The following FCHSD2 variants were observed in gnomAD, a reference collection of about 807,000 sequenced individuals.
FCHSD2 encodes the protein F-BAR and double SH3 domains protein 2.
A neutral mutation model predicts 108.1 loss-of-function variants in FCHSD2; 38 were observed. That is an observed-to-expected ratio of 0.35 (90% confidence interval 0.27 to 0.46). The LOEUF is 0.46. Among genes scored for constraint, FCHSD2 ranks in the 20% least tolerant of loss-of-function variants. FCHSD2 has a pLI of 1.00. For missense variants in FCHSD2, 751 were observed against 897.8 expected (o/e 0.84, Z 2.09); for synonymous variants, 279 against 314.7 (o/e 0.89, Z 1.20).
chr11:72,977,003 G>A (rs1237508671), intron 8 of FCHSD2, among the ~76,000 whole-genome samples: 2 of 150,936 alleles, frequency 1.3e-5, no homozygotes, highest in Non-Finnish European at 2.9e-5. Context: ...TCGGCACACT[G>A]TGACCTCCAC....
chr11:72,888,131 G>A (rs188410484), intron 11 of FCHSD2, among the ~76,000 whole-genome samples: 14 of 152,166 alleles, frequency 9.2e-5, no homozygotes, highest in Non-Finnish European at 1.5e-5. Flanking sequence ...AGATAGCCAA[G>A]TATAGGAATC....
intron 3 of FCHSD2, among the ~76,000 whole-genome samples, chr11:73,032,650 C>T (rs1287951623): frequency 6.7e-6 from 1 of 149,562 alleles, no homozygotes; most frequent in African/African-American, 2.5e-5. Flanking sequence ...GGTATTACAA[C>T]AGGAAAGTAT....
intron 3 of FCHSD2, among the ~76,000 whole-genome samples, chr11:73,072,058 A>C (rs566199903): frequency 1.3e-5 from 2 of 152,096 alleles, no homozygotes; most frequent in South Asian, 4.2e-4. Flanking sequence ...GGTAAACAAC[A>C]AATGAGTGAA....
chr11:72,846,051 A>AATAGATAG (rs919967621), intron 14 of FCHSD2, among the ~76,000 whole-genome samples: 12 of 111,826 alleles, frequency 1.1e-4, no homozygotes, highest in African/African-American at 4.5e-4. Flanking sequence ...ATTACAAATA[A>AATAGATAG]ATAGATAGAT....
At chr11:72,980,756 A>G (rs1003932566) in intron 8 of FCHSD2, among the ~76,000 whole-genome samples, 7 of 150,892 alleles carry the variant, frequency 4.6e-5, no homozygotes, top group African/African-American at 1.7e-4. Context: ...GTGTATATAT[A>G]TGTGTATGTA....
In FCHSD2 at chr11:73,092,774, A is replaced by G. The variant is rs1859987260; in HGVS notation, c.120-9034T>C. Among the ~76,000 whole-genome samples the G allele has an allele frequency of 2.0e-5, 3 of 152,176 alleles. No homozygotes were observed. In the South Asian group the frequency reaches 6.2e-4, roughly 32 times the overall value. On this transcript the variant is annotated intron_variant, in intron 2 of 19. Transcript: ENST00000409418. The stretch of plus-strand genomic sequence containing the variant: ...TCACATTATATCAGTTAAAACAAGC[A>G]TTTTGTGTATATCAAATCAAGGAGG...
intron 3 of FCHSD2, among the ~76,000 whole-genome samples, chr11:73,022,211 A>C (rs76151517): frequency 0.022 from 3,332 of 152,306 alleles, 81 homozygotes; most frequent in African/African-American, 0.059. Context: ...AGATAAGGCA[A>C]AGATTTTCTC....
intron 10 of FCHSD2, among the ~76,000 whole-genome samples, chr11:72,894,235 G>T (rs968153116): frequency 6.6e-6 from 1 of 152,170 alleles, no homozygotes; most frequent in Non-Finnish European, 1.5e-5. Context: ...ACATTTTTCA[G>T]TTTACTGAGA....
intron 10 of FCHSD2, among the ~76,000 whole-genome samples, chr11:72,894,848 T>G (rs1855386682): frequency 6.6e-6 from 1 of 152,212 alleles, no homozygotes; most frequent in Non-Finnish European, 1.5e-5. Context: ...AATATTCATA[T>G]GTTTCACTGC....
intron 10 of FCHSD2, among the ~76,000 whole-genome samples, chr11:72,901,636 C>A (rs1349741971): frequency 6.6e-6 from 1 of 151,912 alleles, no homozygotes; most frequent in African/African-American, 2.4e-5. Flanking sequence ...CAATCTCACA[C>A]TTTAACTATG....
chr11:72,927,668 G>C (rs1856103040), intron 8 of FCHSD2, among the ~76,000 whole-genome samples: 3 of 152,146 alleles, frequency 2.0e-5, no homozygotes. Flanking sequence ...ACTTGCCACT[G>C]GCCTGGGACC....
intron 8 of FCHSD2, among the ~76,000 whole-genome samples, chr11:72,975,058 C>A (rs949826549): frequency 6.6e-6 from 1 of 152,070 alleles, no homozygotes; most frequent in Non-Finnish European, 1.5e-5. Flanking sequence ...GCCAGAAAAA[C>A]CGAAAAAGAA....
intron 8 of FCHSD2, among the ~76,000 whole-genome samples, chr11:72,974,293 G>C (rs1332274049): frequency 6.6e-6 from 1 of 152,140 alleles, no homozygotes; most frequent in African/African-American, 2.4e-5. Flanking sequence ...AAAGTGGAAA[G>C]GGGCCAAACT....
intron 8 of FCHSD2, among the ~76,000 whole-genome samples, chr11:72,933,829 CT>C (rs1368611859): frequency 6.6e-6 from 1 of 152,054 alleles, no homozygotes; most frequent in Non-Finnish European, 1.5e-5. Context: ...CTATTTAGTG[CT>C]GGGTACAGTG....
rs180798153 is a variant in FCHSD2 at position 73,031,411 on chromosome 11, G to A, written c.166-15526C>T. On this transcript the variant is annotated intron_variant, in intron 3 of 19. Coordinates refer to ENST00000409418, the MANE Select transcript of FCHSD2 (RefSeq NM_014824.3). ...GGATCACTTGAGGGCGGGAGGTGGA[G>A]GCTGCATTGAGTTGTGACTACTGCA... Among the ~76,000 whole-genome samples, 677 of 152,020 alleles carry A rather than the reference G, an allele frequency of 4.5e-3. 3 individuals carry two copies. The highest frequency in any genetic ancestry group is 7.9e-3 in the Non-Finnish European group (539 of 67,966).
chr11:72,887,527 G>A lies in FCHSD2; in HGVS notation c.1089C>T (p.Ser363=). The change falls in exon 12 of 20, where the codon AGC becomes AGT. Residue 363 remains serine, a synonymous_variant. Coordinates refer to ENST00000409418, the MANE Select transcript of FCHSD2 (RefSeq NM_014824.3). Reference sequence around the variant, plus strand: ...CTATTTTCTGTTCTAGCTCTGCTCGGCTTTGTTCTGATACAGCAGCTCCAT... The same window carrying A: ...CTATTTTCTGTTCTAGCTCTGCTCGACTTTGTTCTGATACAGCAGCTCCAT... ...ECHGAAVSEQ[S]RAELEQKIDE... The A allele has an allele frequency of 1.2e-6, 2 of 1,602,356 alleles. No individual in the cohort carries two copies. The highest frequency in any genetic ancestry group is 2.3e-5 in the East Asian group (1 of 43,948).
At position 72,964,270 on chromosome 11, in the gene FCHSD2, T is replaced by C. The variant is rs567230833; in HGVS notation, c.705+19818A>G. Among the ~76,000 whole-genome samples the C allele has an allele frequency of 2.6e-4, 40 of 152,358 alleles. 1 individual carries two copies. The highest frequency in any genetic ancestry group is 2.3e-3 in the Admixed American group (35 of 15,310). ...ATGAACAACTGGTTGATGGTTCCAA[T>C]CTTATGTTCTCATCACATCGAATCA... On this transcript the variant is annotated intron_variant, in intron 8 of 19. Transcript: ENST00000409418.
intron 2 of FCHSD2, among the ~76,000 whole-genome samples, chr11:73,126,443 T>G (rs558425425): frequency 1.3e-5 from 2 of 148,172 alleles, no homozygotes; most frequent in African/African-American, 2.5e-5. Flanking sequence ...TACAACCAAC[T>G]GGAAACCAAT....
At chr11:72,932,474 C>G (rs998809054) in intron 8 of FCHSD2, among the ~76,000 whole-genome samples, 10 of 152,192 alleles carry the variant, frequency 6.6e-5, no homozygotes, top group African/African-American at 2.4e-4. Flanking sequence ...ACTTATTACT[C>G]ACTCCCCATT....
Sources: gnomAD v4.1 joint callset for allele counts (sites outside exome capture counted in the v4.1 genomes callset) on GRCh38, gnomAD v4.1.1 for gene constraint, MANE v1.5 for transcripts, NCBI Gene and HGNC (gene_info 2026-07-23, HGNC 2026-07-21) for gene names.